HOMER1: variants seen among roughly 807,000 people sequenced by gnomAD.
HOMER1 encodes the protein homer scaffold protein 1.
In HOMER1, 3 loss-of-function variants were observed where a neutral mutation model predicts 48.9. That is an observed-to-expected ratio of 0.06 (90% CI 0.03 to 0.16). HOMER1 has a LOEUF of 0.16. HOMER1 is among the 10% of genes least tolerant of loss of function. The probability of loss-of-function intolerance (pLI) is 1.00; values close to 1 mark genes in which losing one functional copy is unlikely to be tolerated. For missense variants in HOMER1, 247 were observed against 411.4 expected (o/e 0.60, Z 3.46); for synonymous variants, 134 against 146.4 (o/e 0.92, Z 0.61).
chr5:79,473,631 C>G (rs1225390434), intron 1 of HOMER1, among the ~76,000 whole-genome samples: 4 of 152,106 alleles, frequency 2.6e-5, no homozygotes, highest in Admixed American at 6.6e-5. Flanking sequence ...AAAACAGCCT[C>G]TCATTATATG....
intron 5 of HOMER1, among the ~76,000 whole-genome samples, chr5:79,407,380 T>C (rs932232178): frequency 6.6e-6 from 1 of 151,606 alleles, no homozygotes; most frequent in Non-Finnish European, 1.5e-5. Context: ...TACTCAGAGA[T>C]TAATCTGATC....
In HOMER1 at chr5:79,447,030, AAGAAT is replaced by A; in HGVS notation, c.387+18_387+22del. ...TCTGAAATGAACAAGGTTCATAATT[AAGAAT>A]AGAAATGATATACCCACCTGTGAAG... is the stretch of plus-strand genomic sequence containing the variant. On this transcript the variant is annotated intron_variant, in intron 4 of 8. Transcript: ENST00000334082. 3 of 1,331,564 alleles carry A rather than the reference AAGAAT, an allele frequency of 2.3e-6. No individual in the cohort carries two copies. The highest frequency in any genetic ancestry group is 3.3e-6 in the Non-Finnish European group (3 of 922,666). 82.5% of individuals were successfully genotyped at this position (1,331,564 alleles called of 1,614,324 possible). A position where few individuals can be genotyped will look rare whatever the true frequency, so the allele number is the denominator to read the frequency against.
chr5:79,388,774 A>C (rs936666132), intron 8 of HOMER1, among the ~76,000 whole-genome samples: 1 of 152,056 alleles, frequency 6.6e-6, no homozygotes, highest in African/African-American at 2.4e-5. Context: ...ATTATTACTT[A>C]TTATTTTAAA....
intron 2 of HOMER1, among the ~76,000 whole-genome samples, chr5:79,454,774 T>C (rs1040489140): frequency 2.0e-5 from 3 of 152,176 alleles, no homozygotes; most frequent in Non-Finnish European, 4.4e-5. Flanking sequence ...TTAAATTATC[T>C]TTTATTCCCC....
At chr5:79,496,354 C>A (rs1752419848) in intron 1 of HOMER1, among the ~76,000 whole-genome samples, 1 of 152,182 alleles carries the variant, frequency 6.6e-6, no homozygotes, top group East Asian at 1.9e-4. Flanking sequence ...GCAAACAGAA[C>A]CCTGTCCCCG....
chr5:79,512,930 T>A lies in HOMER1; in HGVS notation c.-156A>T, dbSNP rs924491983. ...TCAAGGATGCTGCCAATTCAATTAG[T>A]TCTCTTAGGTAAAATGATTTCTCTC... On this transcript the variant is annotated 5_prime_UTR_variant, in exon 1 of 9. Transcript: ENST00000334082. 2 of 660,308 alleles carry A rather than the reference T, an allele frequency of 3.0e-6. No homozygotes were observed. Among genetic ancestry groups the A allele is most frequent in the East Asian group, 5.4e-5 (2 of 37,312 alleles). 40.9% of individuals were successfully genotyped at this position (660,308 alleles called of 1,614,324 possible).
intron 5 of HOMER1, among the ~76,000 whole-genome samples, chr5:79,425,723 G>C (rs1054050727): frequency 3.3e-5 from 5 of 151,844 alleles, no homozygotes; most frequent in Non-Finnish European, 7.4e-5. Flanking sequence ...CCATGACATG[G>C]TTCTTCACAT....
At chr5:79,466,409 G>A (rs1345314213) in intron 1 of HOMER1, among the ~76,000 whole-genome samples, 1 of 151,902 alleles carries the variant, frequency 6.6e-6, no homozygotes, top group Non-Finnish European at 1.5e-5. Context: ...TGACAGGAGA[G>A]ATCACCTGAG....
chr5:79,448,156 T>A (rs1319669432), intron 3 of HOMER1, among the ~76,000 whole-genome samples: 2 of 152,184 alleles, frequency 1.3e-5, no homozygotes, highest in East Asian at 3.8e-4. Context: ...ACCTATAATG[T>A]GTATCTGAGG....
At chr5:79,461,426 T>C (rs1460041030) in intron 1 of HOMER1, among the ~76,000 whole-genome samples, 2 of 152,198 alleles carry the variant, frequency 1.3e-5, no homozygotes, top group African/African-American at 4.8e-5. Flanking sequence ...ACACCAGCAT[T>C]TCCCGAAGTG....
At chr5:79,479,451 A>G (rs1286480928) in intron 1 of HOMER1, among the ~76,000 whole-genome samples, 2 of 152,218 alleles carry the variant, frequency 1.3e-5, no homozygotes, top group Admixed American at 6.5e-5. Context: ...ATTTAGCTAC[A>G]GAAGGTGATA....
intron 5 of HOMER1, among the ~76,000 whole-genome samples, chr5:79,413,543 T>G (rs1037301568): frequency 6.6e-6 from 1 of 152,130 alleles, no homozygotes; most frequent in Non-Finnish European, 1.5e-5. Flanking sequence ...ACCCAAATAC[T>G]GAACACTATG....
intron 8 of HOMER1, among the ~76,000 whole-genome samples, chr5:79,382,307 G>A (rs183822188): frequency 1.3e-5 from 2 of 152,214 alleles, no homozygotes; most frequent in Admixed American, 1.3e-4. Flanking sequence ...GATACAGGAA[G>A]CTCTGAGATC....
At chr5:79,422,620 A>G (rs951888628) in intron 5 of HOMER1, among the ~76,000 whole-genome samples, 7 of 151,922 alleles carry the variant, frequency 4.6e-5, no homozygotes, top group Non-Finnish European at 8.8e-5. Flanking sequence ...TCAAAAAAAA[A>G]AGAAAAAAAC....
At chr5:79,498,691 T>A (rs1014076054) in intron 1 of HOMER1, among the ~76,000 whole-genome samples, 3 of 152,182 alleles carry the variant, frequency 2.0e-5, no homozygotes, top group African/African-American at 7.2e-5. Context: ...GGAAAAATAA[T>A]TCCAAAAAAT....
chr5:79,450,954 T>C, intron 3 of HOMER1, 36 bp downstream of exon 3: 3 of 1,595,092 alleles, frequency 1.9e-6, no homozygotes, highest in Non-Finnish European at 2.6e-6. Flanking sequence ...GACTTGAAGA[T>C]GAAGATTTTC....
At chr5:79,512,373 T>C (rs1467150216) in intron 1 of HOMER1, among the ~76,000 whole-genome samples, 1 of 152,224 alleles carries the variant, frequency 6.6e-6, no homozygotes, top group Non-Finnish European at 1.5e-5. Flanking sequence ...ATTAAAATCG[T>C]TCCTTTGTGC....
Position 79,453,195 on chromosome 5 carries a change from A to G in HOMER1, c.163-2074T>C, listed in dbSNP as rs189352806. Among the ~76,000 whole-genome samples, 51 of 150,582 alleles carry G rather than the reference A, an allele frequency of 3.4e-4. No individual in the cohort carries two copies. The East Asian group carries it at 8.9e-3, about 26-fold the overall frequency. ...GATGTGACAGAGTGAAACGCAAGAA[A>G]TCAAGACTGGTAGGCACTGCCTTAG... On this transcript the variant is annotated intron_variant, in intron 2 of 8. Coordinates refer to ENST00000334082, the MANE Select transcript of HOMER1 (RefSeq NM_004272.5).
chr5:79,377,240 A>T (rs997963845), intron 8 of HOMER1, among the ~76,000 whole-genome samples: 12 of 152,218 alleles, frequency 7.9e-5, no homozygotes, highest in Non-Finnish European at 1.3e-4. Context: ...TGCTAGGATT[A>T]CAGGCGTGAG....
Sources: allele counts gnomAD v4.1 joint callset (sites outside exome capture counted in the v4.1 genomes callset), GRCh38; gene constraint gnomAD v4.1.1; transcripts MANE v1.5; gene names NCBI Gene and HGNC (gene_info 2026-07-23, HGNC 2026-07-21).